C7orf33: variants seen among roughly 807,000 people sequenced by gnomAD.
The protein encoded by C7orf33 is chromosome 7 open reading frame 33.
C7orf33 carries 15 observed loss-of-function variants against 13.4 expected under a neutral mutation model. The ratio of observed to expected loss-of-function variants is 1.12; its 90% CI spans 0.75 to 1.72. C7orf33 has a LOEUF of 1.72. Ranked by LOEUF, C7orf33 falls within the 40% of genes most tolerant of loss-of-function variation. C7orf33 has a pLI of 0.00. For missense variants in C7orf33, 187 were observed against 220.3 expected, an observed-to-expected ratio of 0.85 and a Z score of 0.96; for synonymous variants, 73 against 83.2, an observed-to-expected ratio of 0.88 and a Z score of 0.67.
At chr7:148,603,900 A>T (rs1298454186) in intron 1 of C7orf33, among the ~76,000 whole-genome samples, 1 of 152,142 alleles carries the variant, frequency 6.6e-6, no homozygotes, top group Non-Finnish European at 1.5e-5. Context: ...ACTGGTATCT[A>T]CCCAGAGGAA....
rs141822576 is a variant in C7orf33 at position 148,607,026 on chromosome 7, G to A, written c.205-7016G>A. Among the ~76,000 whole-genome samples the A allele has an allele frequency of 2.5e-3, 380 of 149,218 alleles. 4 individuals are homozygous for A. The highest frequency in any genetic ancestry group is 9.4e-3 in the African/African-American group (366 of 38,914). On this transcript the variant is annotated intron_variant, in intron 1 of 2. Transcript: ENST00000307003. ...TACATGGCAGACACCCAGGAAAGGA[G>A]TAGTTCTCATGGCAGACACCCAGGG... is the stretch of plus-strand genomic sequence containing the variant.
At chr7:148,606,722 G>A (rs1796476293) in intron 1 of C7orf33, among the ~76,000 whole-genome samples, 1 of 152,106 alleles carries the variant, frequency 6.6e-6, no homozygotes, top group Admixed American at 6.5e-5. Flanking sequence ...AGGAAGCTGG[G>A]ATTACAGGCA....
At chr7:148,597,921 A>G (rs868350409) in intron 1 of C7orf33, among the ~76,000 whole-genome samples, 6 of 152,104 alleles carry the variant, frequency 3.9e-5, no homozygotes, top group Middle Eastern at 3.4e-3. Flanking sequence ...ATGCCCGGCT[A>G]ATTTTTTGTA....
At chr7:148,593,145 G>A (rs1345981383) in intron 1 of C7orf33, among the ~76,000 whole-genome samples, 1 of 152,040 alleles carries the variant, frequency 6.6e-6, no homozygotes, top group Non-Finnish European at 1.5e-5. Context: ...TGGCCGACAC[G>A]ATTTAAATCT....
chr7:148,614,281 A>G lies in C7orf33; in HGVS notation c.444A>G (p.Thr148=), dbSNP rs746914805. Reference sequence around the variant, plus strand: ...CTTACAAGCCTGGGAGGACAGTGACAAGTTCATACCTAAACGTAAGCTCCG... The same window carrying G: ...CTTACAAGCCTGGGAGGACAGTGACGAGTTCATACCTAAACGTAAGCTCCG... ...TLSYKPGRTV[T]SSYLNVRGHE... Residue 148 remains threonine (T), a synonymous_variant, in exon 2 of 3, where the codon ACA becomes ACG. Transcript: ENST00000307003. 6.2e-7 allele frequency: 1 copy of G among 1,614,200 alleles called. No individual in the cohort carries two copies. Among genetic ancestry groups the G allele is most frequent in the East Asian group, 2.2e-5 (1 of 44,888 alleles).
chr7:148,605,669 C>T (rs911944166), intron 1 of C7orf33, among the ~76,000 whole-genome samples: 12 of 152,206 alleles, frequency 7.9e-5, no homozygotes, highest in Non-Finnish European at 1.8e-4. Context: ...GCAGAGCCCC[C>T]ACCTTGAAGG....
intron 1 of C7orf33, among the ~76,000 whole-genome samples, chr7:148,597,794 C>A (rs933016593): frequency 6.6e-6 from 1 of 151,836 alleles, no homozygotes; most frequent in Admixed American, 6.6e-5. Flanking sequence ...CTCGCACTGT[C>A]GCCCAGGCTG....
chr7:148,606,813 T>G (rs1311453197), intron 1 of C7orf33, among the ~76,000 whole-genome samples: 1 of 152,032 alleles, frequency 6.6e-6, no homozygotes, highest in Admixed American at 6.6e-5. Flanking sequence ...TCTCGAACTC[T>G]TGACCTCAGG....
chr7:148,601,091 C>T (rs748626945), intron 1 of C7orf33, among the ~76,000 whole-genome samples: 2 of 151,928 alleles, frequency 1.3e-5, no homozygotes, highest in South Asian at 2.1e-4. Flanking sequence ...TGTGAGCCAC[C>T]GCGCCCGGCC....
chr7:148,597,799 A>G (rs1796358237), intron 1 of C7orf33, among the ~76,000 whole-genome samples: 1 of 152,006 alleles, frequency 6.6e-6, no homozygotes, highest in South Asian at 2.1e-4. Context: ...ACTGTCGCCC[A>G]GGCTGGAGTG....
chr7:148,593,920 T>G (rs1796298564), intron 1 of C7orf33, among the ~76,000 whole-genome samples: 2 of 152,096 alleles, frequency 1.3e-5, no homozygotes, highest in African/African-American at 4.8e-5. Flanking sequence ...GGGGGTGGAT[T>G]TGTCATGAAT....
chr7:148,609,789 T>C (rs1563124076), intron 1 of C7orf33, among the ~76,000 whole-genome samples: 1 of 152,162 alleles, frequency 6.6e-6, no homozygotes, highest in Admixed American at 6.5e-5. Context: ...CTTGGCCGCT[T>C]AGTGGAGGGT....
Position 148,615,375 on chromosome 7 carries a change from A to G in C7orf33, c.508A>G (p.Arg170Gly), listed in dbSNP as rs763667410. 1.2e-6 allele frequency: 2 copies of G among 1,613,300 alleles called. No homozygotes were observed. Among genetic ancestry groups the G allele is most frequent in the Admixed American group, 1.7e-5 (1 of 60,026 alleles). The change falls in exon 3 of 3, where the codon AGG becomes GGG. Residue 170 changes from arginine to glycine, a missense_variant. Transcript: ENST00000307003. ...GCTCCAGAATTCTGTTGAGGCCACA[A>G]GGATTTCCAGAACTGACAGCAGTTA... ...RKLQNSVEAT[R>G]ISRTDSS
At chr7:148,606,678 C>T (rs891045059) in intron 1 of C7orf33, among the ~76,000 whole-genome samples, 1 of 152,134 alleles carries the variant, frequency 6.6e-6, no homozygotes, top group Non-Finnish European at 1.5e-5. Flanking sequence ...CCTCCACCTC[C>T]CAGGTTCAAG....
intron 1 of C7orf33, among the ~76,000 whole-genome samples, chr7:148,604,606 G>A (rs927882836): frequency 6.6e-6 from 1 of 152,206 alleles, no homozygotes; most frequent in African/African-American, 2.4e-5. Flanking sequence ...ATTGGGTACA[G>A]TGTACCCTGC....
intron 1 of C7orf33, among the ~76,000 whole-genome samples, chr7:148,597,024 T>C (rs764724557): frequency 2.0e-5 from 3 of 152,116 alleles, no homozygotes; most frequent in Non-Finnish European, 4.4e-5. Context: ...TAATATTCCA[T>C]TGTCTGGGTG....
At position 148,614,056 on chromosome 7, in the gene C7orf33, C is replaced by G. The variant is rs759718311; in HGVS notation, c.219C>G (p.His73Gln). 3.1e-6 allele frequency: 5 copies of G among 1,613,978 alleles called. No homozygotes were observed. The East Asian group carries it at 1.1e-4, about 36-fold the overall frequency. ...ATGRHKKPNPHQNMNRGMEFI... is the reference protein window; with the variant it reads ...ATGRHKKPNPQQNMNRGMEFI... The stretch of plus-strand genomic sequence containing the variant: ...GTTTTTTCCAGAAGCCAAACCCACA[C>G]CAAAACATGAACCGGGGGATGGAAT... Residue 73 changes from histidine to glutamine, a missense_variant, in exon 2 of 3, where the codon CAC (histidine) becomes CAG (glutamine). Transcript: ENST00000307003.
Position 148,615,464 on chromosome 7 carries a change from C to CAAAAAAAAA in C7orf33, c.*65_*66insAAAAAAAAA. On this transcript the variant is annotated 3_prime_UTR_variant, in exon 3 of 3. Transcript: ENST00000307003. ...GTGTAGATTGTGAAATCTCTTCTTG[C>CAAAAAAAAA]AAGAAAAAAGAGAAATAGCTGAAGT... 9.4e-7 allele frequency: 1 copy of CAAAAAAAAA among 1,063,842 alleles called. No individual in the cohort carries two copies. The highest frequency in any genetic ancestry group is 1.9e-5 in the Admixed American group (1 of 53,390). 65.9% of individuals were successfully genotyped at this position (1,063,842 alleles called of 1,614,324 possible). A position where few individuals can be genotyped will look rare whatever the true frequency, so the allele number is the denominator to read the frequency against.
intron 1 of C7orf33, among the ~76,000 whole-genome samples, chr7:148,593,101 A>C (rs1039593957): frequency 2.0e-5 from 3 of 152,092 alleles, no homozygotes; most frequent in African/African-American, 7.2e-5. Flanking sequence ...TCACCTCCCA[A>C]AGTCCTGGGA....
Sources: gnomAD v4.1 joint callset for allele counts (sites outside exome capture counted in the v4.1 genomes callset) on GRCh38, gnomAD v4.1.1 for gene constraint, MANE v1.5 for transcripts, NCBI Gene and HGNC (gene_info 2026-07-23, HGNC 2026-07-21) for gene names.